Variants in FMO2 observed in about 807,000 individuals in gnomAD.
FMO2 encodes the protein flavin containing dimethylaniline monoxygenase 2.
A neutral mutation model predicts 41.6 loss-of-function variants in FMO2; 33 were observed. That is an observed-to-expected ratio of 0.79 (90% CI 0.60 to 1.06). The LOEUF is 1.06. FMO2 is among the 50% of genes least tolerant of loss of function. The pLI is 0.00. For synonymous variants in FMO2, 214 were observed against 219.6 expected, an observed-to-expected ratio of 0.97 and a Z score of 0.23; for missense variants, 619 against 632.9, an observed-to-expected ratio of 0.98 and a Z score of 0.23.
rs1297253354 is a variant in FMO2 at position 171,204,048 on chromosome 1, C to T, written c.811C>T (p.Leu271Phe). 1 of 1,613,392 alleles carries T rather than the reference C, an allele frequency of 6.2e-7. No homozygotes were observed. ...GTGGTTCAACCATGAAAATTATGGCCTTGAGCCTCAAAACAAGTAGAGTTA... is the reference window on the plus strand; with the variant it reads ...GTGGTTCAACCATGAAAATTATGGCTTTGAGCCTCAAAACAAGTAGAGTTA... ...NRWFNHENYG[L>F]EPQNKYIMKE... is the part of the protein sequence containing the mutation. Residue 271 changes from leucine (L) to phenylalanine (F), a missense_variant, in exon 6 of 9, where the codon CTT (leucine) becomes TTT (phenylalanine). Coordinates refer to ENST00000209929, the MANE Select transcript of FMO2 (RefSeq NM_001460.5).
At chr1:171,200,061 G>A (rs1658471249) in intron 5 of FMO2, among the ~76,000 whole-genome samples, 1 of 152,136 alleles carries the variant, frequency 6.6e-6, no homozygotes, top group African/African-American at 2.4e-5. Flanking sequence ...AGGTTAATCT[G>A]TTCATATTCT....
Position 171,208,958 on chromosome 1 carries a change from G to A in FMO2, c.1421G>A (p.Arg474His), listed in dbSNP as rs368763035. The A allele has an allele frequency of 7.9e-5, 127 of 1,611,890 alleles. No homozygotes were observed. Among genetic ancestry groups the A allele is most frequent in the Admixed American group, 2.3e-4 (14 of 59,786 alleles). Residue 474 changes from arginine to histidine, a missense_variant, in exon 9 of 9, where the codon CGC becomes CAC. Arg to His is a conservative substitution (Grantham distance 29). Transcript: ENST00000209929. ...YFGPCNSYQY[R>H]LVGPGQWEGA... ...GGACCCTGCAACTCCTATCAGTATCGCCTGGTTGGGCCTGGGCAATGGGAA... is the reference window on the plus strand; with the variant it reads ...GGACCCTGCAACTCCTATCAGTATCACCTGGTTGGGCCTGGGCAATGGGAA...
In FMO2 at chr1:171,212,602, A is replaced by T. The variant is rs1202387447; in HGVS notation, c.*3457A>T. Reference sequence around the variant, plus strand: ...CTTTACAGAAAAATAAAGATATTTTAAACAAAATACTAGGGCCATGGTATG... The same window carrying T: ...CTTTACAGAAAAATAAAGATATTTTTAACAAAATACTAGGGCCATGGTATG... On this transcript the variant is annotated 3_prime_UTR_variant, in exon 9 of 9. Coordinates refer to ENST00000209929, the MANE Select transcript of FMO2 (RefSeq NM_001460.5). 6.6e-6 allele frequency among the ~76,000 whole-genome samples: 1 copy of T among 152,218 alleles called. No homozygotes were observed. The highest frequency in any genetic ancestry group is 6.5e-5 in the Admixed American group (1 of 15,290).
At chr1:171,192,419 C>T (rs766771375) in intron 2 of FMO2, among the ~76,000 whole-genome samples, 6 of 152,070 alleles carry the variant, frequency 3.9e-5, no homozygotes, top group Non-Finnish European at 5.9e-5. Flanking sequence ...TAACTTTTAC[C>T]AAGTTACTTG....
chr1:171,196,389 G>A (rs1658313176), intron 3 of FMO2, among the ~76,000 whole-genome samples: 2 of 152,176 alleles, frequency 1.3e-5, no homozygotes, highest in African/African-American at 4.8e-5. Context: ...CACACATCAT[G>A]AGAACCCGCT....
At chr1:171,197,484 C>G (rs1658352383) in intron 4 of FMO2, among the ~76,000 whole-genome samples, 1 of 152,138 alleles carries the variant, frequency 6.6e-6, no homozygotes, top group Non-Finnish European at 1.5e-5. Flanking sequence ...AGGATTAAGG[C>G]CTGCTCATCT....
intron 2 of FMO2, chr1:171,188,874 C>T (rs1458478421): frequency 6.6e-6 from 1 of 152,098 alleles, no homozygotes; most frequent in African/African-American, 2.4e-5. Flanking sequence ...GACCATGGGA[C>T]GGGTAGGTAA....
At chr1:171,207,407 T>G (rs777128309) in intron 7 of FMO2, 5 of 253,822 alleles carry the variant, frequency 2.0e-5, no homozygotes, top group African/African-American at 4.5e-5. Context: ...CTGATTTGAT[T>G]TGGGGCCTCC....
At position 171,208,834 on chromosome 1, in the gene FMO2, G is replaced by A; in HGVS notation, c.1297G>A (p.Val433Ile). 1 of 1,613,998 alleles carries A rather than the reference G, an allele frequency of 6.2e-7. No individual in the cohort carries two copies. Among genetic ancestry groups the A allele is most frequent in the Non-Finnish European group, 8.5e-7 (1 of 1,179,884 alleles). The change falls in exon 9 of 9, where the codon GTT (valine) becomes ATT (isoleucine). Residue 433 changes from valine (V) to isoleucine (I), a missense_variant. Transcript: ENST00000209929. The part of the protein sequence containing the change: ...SQSQTLQTNY[V>I]DYLDELALEI... ...GAGCCAGACGTTGCAGACCAATTAT[G>A]TTGACTACTTGGACGAGCTCGCCTT...
chr1:171,207,067 G>A (rs1322728885), intron 7 of FMO2, among the ~76,000 whole-genome samples: 1 of 152,164 alleles, frequency 6.6e-6, no homozygotes, highest in Non-Finnish European at 1.5e-5. Flanking sequence ...GGGCTTCAGT[G>A]AGGAGCTCAG....
intron 2 of FMO2, 184 bp downstream of exon 2, chr1:171,186,029 C>T (rs1657833311): frequency 1.8e-6 from 1 of 547,412 alleles, no homozygotes; most frequent in Non-Finnish European, 3.1e-6. Context: ...TCAATACTAA[C>T]CCAACCCAGG....
intron 3 of FMO2, among the ~76,000 whole-genome samples, chr1:171,196,007 T>A (rs964663883): frequency 3.9e-5 from 6 of 152,244 alleles, no homozygotes; most frequent in Non-Finnish European, 4.4e-5. Context: ...AAAACGTTCC[T>A]GACATATGCC....
chr1:171,193,508 A>C lies in FMO2; in HGVS notation c.306A>C (p.Lys102Asn). The C allele has an allele frequency of 6.2e-7, 1 of 1,600,206 alleles. No homozygotes were observed. Among genetic ancestry groups the C allele is most frequent in the South Asian group, 1.1e-5 (1 of 90,694 alleles). ...TTGCTAAAAAATTTGATCTGCTAAA[A>C]TATATTCAGTTCCAGGTATTGTATT... ...RIFAKKFDLLKYIQFQTTVLS... is the reference protein window; with the variant it reads ...RIFAKKFDLLNYIQFQTTVLS... Residue 102 changes from lysine (K) to asparagine (N), a missense_variant, in exon 3 of 9, where the codon AAA becomes AAC. Transcript: ENST00000209929.
At position 171,193,521 on chromosome 1, in the gene FMO2, C is replaced by T. The variant is rs368999969; in HGVS notation, c.319C>T (p.Gln107Ter). The change falls in exon 3 of 9, where the codon CAG becomes TAG. Residue 107 changes from glutamine to a stop codon, truncating the protein, a stop_gained and splice_region_variant. Transcript: ENST00000209929. LOFTEE classifies it high-confidence loss of function. ...KFDLLKYIQF[Q>*]TTVLSVRKCP... ...TGATCTGCTAAAATATATTCAGTTC[C>T]AGGTATTGTATTTTTGGGGAAATGG... The T allele has an allele frequency of 3.8e-6, 6 of 1,585,076 alleles. No individual in the cohort carries two copies. The highest frequency in any genetic ancestry group is 5.2e-6 in the Non-Finnish European group (6 of 1,157,454).
chr1:171,200,350 G>A (rs547876994), intron 5 of FMO2, among the ~76,000 whole-genome samples: 1 of 152,240 alleles, frequency 6.6e-6, no homozygotes. Context: ...AACTCCTTCT[G>A]CAAGGACAGA....
intron 2 of FMO2, among the ~76,000 whole-genome samples, chr1:171,191,967 T>G (rs1658102698): frequency 6.6e-6 from 1 of 151,122 alleles, no homozygotes; most frequent in African/African-American, 2.4e-5. Context: ...CCCAGGAGGT[T>G]GATGCTGCCG....
chr1:171,203,829 G>A, intron 5 of FMO2, 36 bp from the exon 6 acceptor site: 1 of 1,581,840 alleles, frequency 6.3e-7, no homozygotes, highest in Non-Finnish European at 8.7e-7. Context: ...ACGGGACAAT[G>A]CCCTAATTTA....
chr1:171,201,854 T>A (rs939772362), intron 5 of FMO2, among the ~76,000 whole-genome samples: 1 of 151,812 alleles, frequency 6.6e-6, no homozygotes, highest in Admixed American at 6.6e-5. Context: ...TATAAAACCA[T>A]CAGATCTCGT....
At chr1:171,192,765 CAAAAAAAA>C (rs71561558) in intron 2 of FMO2, among the ~76,000 whole-genome samples, 16,371 of 111,666 alleles carry the variant, frequency 0.15, 1,023 homozygotes, top group African/African-American at 0.2. Flanking sequence ...GACTCTGTCT[CAAAAAAAA>C]AAAAAAAAAA....
Sources: gnomAD v4.1 joint callset for allele counts (sites outside exome capture counted in the v4.1 genomes callset) on GRCh38, gnomAD v4.1.1 for gene constraint, MANE v1.5 for transcripts, NCBI Gene and HGNC (gene_info 2026-07-23, HGNC 2026-07-21) for gene names.